Variants in KIFAP3 observed in about 807,000 individuals in gnomAD.
The protein encoded by KIFAP3 is kinesin associated protein 3.
Under a neutral mutation model 106.5 loss-of-function variants are expected in KIFAP3, and 68 were observed. That is an observed-to-expected ratio of 0.64 (90% CI 0.53 to 0.78). The LOEUF is 0.78. KIFAP3 is among the 30% of genes least tolerant of loss of function. KIFAP3 has a pLI of 0.00. For synonymous variants in KIFAP3, 320 were observed against 311.5 expected (o/e 1.03, Z -0.29); for missense variants, 780 against 941.8 (o/e 0.83, Z 2.25).
chr1:170,061,027 A>G (rs955954963), intron 1 of KIFAP3, among the ~76,000 whole-genome samples: 6 of 152,254 alleles, frequency 3.9e-5, no homozygotes, highest in Admixed American at 1.3e-4. Context: ...TGGATTAAAG[A>G]CTTAAATGTT....
intron 18 of KIFAP3, among the ~76,000 whole-genome samples, chr1:169,957,301 C>T (rs1192656861): frequency 6.6e-6 from 1 of 152,130 alleles, no homozygotes; most frequent in Non-Finnish European, 1.5e-5. Context: ...CCATAACACT[C>T]TAAGCTATAG....
chr1:170,073,244 T>C (rs1337402021), intron 1 of KIFAP3, among the ~76,000 whole-genome samples: 1 of 152,238 alleles, frequency 6.6e-6, no homozygotes, highest in Non-Finnish European at 1.5e-5. Flanking sequence ...GATGTAGGCT[T>C]ATATATTCAT....
chr1:170,055,535 T>G lies in KIFAP3; in HGVS notation c.33-99A>C, dbSNP rs1283846915. On this transcript the variant is annotated intron_variant, in intron 1 of 19. Coordinates refer to ENST00000361580, the MANE Select transcript of KIFAP3 (RefSeq NM_014970.4). ...GTCTATAACGTGGGTTGGATTAACA[T>G]GTGCATTTGAATCAGATTACTCTTG... 4.7e-6 allele frequency: 4 copies of G among 848,678 alleles called. No homozygotes were observed. The African/African-American group carries it at 6.9e-5, about 15-fold the overall frequency. The allele number at this position is 848,678 out of a possible 1,614,324, so 52.6% of individuals were successfully genotyped here. A position where few individuals can be genotyped will look rare whatever the true frequency, so the allele number is the denominator to read the frequency against.
chr1:170,049,193 G>A (rs1291836612), intron 2 of KIFAP3, among the ~76,000 whole-genome samples: 2 of 152,198 alleles, frequency 1.3e-5, no homozygotes, highest in Non-Finnish European at 2.9e-5. Context: ...CCCGGACAGT[G>A]CTAAGGAGAC....
At chr1:169,967,872 C>T (rs1228309749) in intron 17 of KIFAP3, among the ~76,000 whole-genome samples, 1 of 151,682 alleles carries the variant, frequency 6.6e-6, no homozygotes, top group East Asian at 1.9e-4. Flanking sequence ...AATCTCTAGT[C>T]CCTTCTTATT....
intron 3 of KIFAP3, among the ~76,000 whole-genome samples, chr1:170,041,451 A>C (rs555047982): frequency 6.6e-6 from 1 of 152,302 alleles, no homozygotes; most frequent in African/African-American, 2.4e-5. Context: ...AGACTAGCCT[A>C]GGCAACATAG....
intron 5 of KIFAP3, 150 bp downstream of exon 5, chr1:170,038,140 T>G: frequency 3.2e-6 from 2 of 631,630 alleles, no homozygotes. Flanking sequence ...TTGTGAATTC[T>G]CTGGAGAATA....
intron 5 of KIFAP3, 48 bp downstream of exon 5, chr1:170,038,242 C>T (rs747024760): frequency 7.3e-7 from 1 of 1,374,612 alleles, no homozygotes; most frequent in South Asian, 1.4e-5. Context: ...GTATAAATAA[C>T]TGTAACTTAT....
chr1:169,984,762 T>C, intron 11 of KIFAP3, 72 bp from the exon 12 acceptor site: 2 of 736,918 alleles, frequency 2.7e-6, no homozygotes, highest in East Asian at 2.6e-5. Context: ...GCAATATTTT[T>C]ATCATAATGT....
At chr1:170,018,428 A>C (rs149956120) in intron 9 of KIFAP3, among the ~76,000 whole-genome samples, 3 of 152,334 alleles carry the variant, frequency 2.0e-5, no homozygotes, top group Non-Finnish European at 4.4e-5. Context: ...CTCTGCATTC[A>C]GATTTTTTAA....
chr1:170,001,449 C>G (rs915209425), intron 10 of KIFAP3, among the ~76,000 whole-genome samples: 2 of 152,182 alleles, frequency 1.3e-5, no homozygotes, highest in Admixed American at 6.6e-5. Context: ...AATTTTACTG[C>G]CATTAATAAC....
intron 7 of KIFAP3, among the ~76,000 whole-genome samples, 173 bp downstream of exon 7, chr1:170,034,199 T>C (rs1669559127): frequency 6.6e-6 from 1 of 151,872 alleles, no homozygotes; most frequent in Non-Finnish European, 1.5e-5. Flanking sequence ...TCAAACTGTA[T>C]TCATTTTGAT....
intron 16 of KIFAP3, among the ~76,000 whole-genome samples, chr1:169,977,380 T>C (rs1411010788): frequency 6.6e-6 from 1 of 152,170 alleles, no homozygotes; most frequent in Non-Finnish European, 1.5e-5. Context: ...AGTACCTCTG[T>C]GTATTGGGAA....
rs908543890 is a variant in KIFAP3 at position 170,002,499 on chromosome 1, A to G, written c.1184-10244T>C. 6.6e-5 allele frequency among the ~76,000 whole-genome samples: 10 copies of G among 152,300 alleles called. No homozygotes were observed. The East Asian group carries it at 1.9e-3, about 29-fold the overall frequency. Reference sequence around the variant, plus strand: ...AGTCCCAATTTTCCTGTCATAACCAATAACATTAGTTTCTGCACAAGCCAG... The same window carrying G: ...AGTCCCAATTTTCCTGTCATAACCAGTAACATTAGTTTCTGCACAAGCCAG... On this transcript the variant is annotated intron_variant, in intron 10 of 19. Coordinates refer to ENST00000361580, the MANE Select transcript of KIFAP3 (RefSeq NM_014970.4).
chr1:169,945,331 A>G (rs1005018674), intron 19 of KIFAP3, among the ~76,000 whole-genome samples: 1 of 152,090 alleles, frequency 6.6e-6, no homozygotes, highest in Non-Finnish European at 1.5e-5. Context: ...CCAGGCCCCC[A>G]AGAGCACAGG....
At chr1:170,032,179 C>T (rs541446958) in intron 7 of KIFAP3, 195 bp from the exon 8 acceptor site, 1 of 464,316 alleles carries the variant, frequency 2.2e-6, no homozygotes, top group Non-Finnish European at 3.9e-6. Context: ...CTCATGGATT[C>T]CCTGGGAGTC....
intron 19 of KIFAP3, among the ~76,000 whole-genome samples, chr1:169,929,224 ATAAT>A (rs1663324732): frequency 6.6e-6 from 1 of 152,220 alleles, no homozygotes; most frequent in Non-Finnish European, 1.5e-5. Context: ...GCTGTCGCAG[ATAAT>A]TAATGTCCAG....
At chr1:169,990,186 T>C (rs1667027552) in intron 11 of KIFAP3, 3 of 1,372,796 alleles carry the variant, frequency 2.2e-6, no homozygotes, top group Non-Finnish European at 2.9e-6. Flanking sequence ...TTTACAGATG[T>C]TTAGAGGTGA....
intron 18 of KIFAP3, 62 bp downstream of exon 18, chr1:169,960,984 G>T: frequency 7.6e-7 from 1 of 1,320,966 alleles, no homozygotes. Context: ...GTGCAAGGCT[G>T]GCCGACTAAA....
Sources: gnomAD v4.1 joint callset for allele counts (sites outside exome capture counted in the v4.1 genomes callset) on GRCh38, gnomAD v4.1.1 for gene constraint, MANE v1.5 for transcripts, NCBI Gene and HGNC (gene_info 2026-07-23, HGNC 2026-07-21) for gene names.